B9D1: variants seen among roughly 807,000 people sequenced by gnomAD.
B9D1 encodes the protein B9 domain-containing protein 1.
A neutral mutation model predicts 26.1 loss-of-function variants in B9D1; 20 were observed. The observed-to-expected ratio is 0.77, with a 90% confidence interval of 0.54 to 1.12. The LOEUF (loss-of-function observed/expected upper bound fraction) is 1.12. Ranked by LOEUF, B9D1 falls within the 50% of genes most tolerant of loss-of-function variation. The pLI, the probability that B9D1 is intolerant of heterozygous loss-of-function variation, is 0.00. For synonymous variants in B9D1, 105 were observed against 103.1 expected (o/e 1.02, Z -0.11); for missense variants, 260 against 273.7 (o/e 0.95, Z 0.35).
chr17:19,335,528 T>C, downstream of B9D1: 2 of 1,507,354 alleles, frequency 1.3e-6, no homozygotes, highest in South Asian at 1.2e-5. Context: ...ATGGGGATAA[T>C]GTGGAAATGG....
At chr17:19,346,347 C>A (rs4924782) in intron 5 of B9D1, among the ~76,000 whole-genome samples, 146,092 of 152,326 alleles carry the variant, frequency 0.96, 70,465 homozygotes, top group Non-Finnish European at 0.99. Flanking sequence ...GTGAAGCATT[C>A]TCGGCCCTGG....
At chr17:19,346,473 GTTCCAC>G (rs1377983553) in intron 5 of B9D1, among the ~76,000 whole-genome samples, 2 of 152,228 alleles carry the variant, frequency 1.3e-5, no homozygotes, top group African/African-American at 4.8e-5. Context: ...AGTCCTCCAT[GTTCCAC>G]TTGTGCCTCA....
At chr17:19,360,258 G>A in intron 2 of B9D1, 62 bp downstream of exon 2, 2 of 1,472,522 alleles carry the variant, frequency 1.4e-6, no homozygotes, top group Admixed American at 3.3e-5. Context: ...GGAAGGATAT[G>A]ACACCTTCAG....
At chr17:19,350,536 C>T (rs1909463723) in intron 3 of B9D1, among the ~76,000 whole-genome samples, 2 of 151,974 alleles carry the variant, frequency 1.3e-5, no homozygotes, top group South Asian at 4.2e-4. Flanking sequence ...GAGCAAGACT[C>T]CATCTCAAAA....
chr17:19,358,670 A>G (rs931868704), intron 2 of B9D1, among the ~76,000 whole-genome samples: 1 of 151,996 alleles, frequency 6.6e-6, no homozygotes, highest in South Asian at 2.1e-4. Context: ...GCCCCTGCTC[A>G]GTGGCTCTTG....
chr17:19,348,043 T>C (rs1365352145), intron 3 of B9D1, among the ~76,000 whole-genome samples, 163 bp from the exon 4 acceptor site: 1 of 152,138 alleles, frequency 6.6e-6, no homozygotes, highest in African/African-American at 2.4e-5. Flanking sequence ...ACCCAGACTG[T>C]GCCAAAGACT....
chr17:19,362,548 C>CGCTAG lies in B9D1; in HGVS notation c.17_21dup (p.Val8LeufsTer153). ...TGCCCGTTGACCATGAGTAGAAAGA[C>CGCTAG]GCTAGGACTCGCGGTCGCCATGGCA... On this transcript the variant is annotated frameshift_variant, in exon 1 of 7. Coordinates refer to ENST00000261499, the MANE Select transcript of B9D1 (RefSeq NM_015681.6). LOFTEE classifies it high-confidence loss of function. The CGCTAG allele has an allele frequency of 6.3e-7, 1 of 1,588,650 alleles. No individual in the cohort carries two copies. Among genetic ancestry groups the CGCTAG allele is most frequent in the Non-Finnish European group, 8.6e-7 (1 of 1,167,580 alleles).
chr17:19,350,176 T>A (rs898281555), intron 3 of B9D1, among the ~76,000 whole-genome samples: 2 of 151,962 alleles, frequency 1.3e-5, no homozygotes, highest in Non-Finnish European at 2.9e-5. Context: ...TTTGGGAGGC[T>A]GAGGTGGCAG....
chr17:19,343,611 C>G (rs780929036), intron 6 of B9D1, 150 bp from the exon 7 acceptor site: 1 of 1,572,684 alleles, frequency 6.4e-7, no homozygotes, highest in Non-Finnish European at 8.6e-7. Context: ...AAGGGGCTGC[C>G]GGGACAGGCA....
upstream of B9D1, among the ~76,000 whole-genome samples, chr17:19,367,006 T>C (rs555684767): frequency 1.3e-5 from 2 of 152,148 alleles, no homozygotes. Context: ...AAGCCATGTC[T>C]AGGGCGGTCA....
At chr17:19,362,868 C>T, upstream of B9D1, 1 of 603,418 alleles carries the variant, frequency 1.7e-6, no homozygotes, top group South Asian at 1.8e-5. Context: ...AGCCCTACCG[C>T]TCGACTCAGT....
intron 3 of B9D1, among the ~76,000 whole-genome samples, chr17:19,350,591 C>T (rs1325171891): frequency 6.6e-6 from 1 of 151,876 alleles, no homozygotes; most frequent in South Asian, 2.1e-4. Flanking sequence ...CATGGTGGTG[C>T]ATGCCTGTAA....
rs756278915 is a variant in B9D1, at chr17:19,362,612, C to G, written c.-43G>C. ...CGGGGGGACCCACCTAGGCCGCGCGCGGTTGCTAAGAGACGCCGGCGTTGC... is the reference window on the plus strand; with the variant it reads ...CGGGGGGACCCACCTAGGCCGCGCGGGGTTGCTAAGAGACGCCGGCGTTGC... On this transcript the variant is annotated 5_prime_UTR_variant, in exon 1 of 7. Coordinates refer to ENST00000261499, the MANE Select transcript of B9D1 (RefSeq NM_015681.6). 1 of 1,574,296 alleles carries G rather than the reference C, an allele frequency of 6.4e-7. No homozygotes were observed. The highest frequency in any genetic ancestry group is 1.8e-5 in the Admixed American group (1 of 54,542).
Position 19,362,634 on chromosome 17 carries a change from T to C in B9D1, c.-65A>G. 1 of 1,559,672 alleles carries C rather than the reference T, an allele frequency of 6.4e-7. No homozygotes were observed. Among genetic ancestry groups the C allele is most frequent in the Middle Eastern group, 1.7e-4 (1 of 5,972 alleles). On this transcript the variant is annotated 5_prime_UTR_variant, in exon 1 of 7. Coordinates refer to ENST00000261499, the MANE Select transcript of B9D1 (RefSeq NM_015681.6). ...GCGCGGTTGCTAAGAGACGCCGGCG[T>C]TGCCCTAGAAACAGACGGCGTAGCG...
intron 3 of B9D1, among the ~76,000 whole-genome samples, chr17:19,355,945 A>C (rs1266761161): frequency 2.0e-5 from 3 of 152,142 alleles, no homozygotes; most frequent in East Asian, 1.9e-4. Flanking sequence ...GATTCTGTTT[A>C]TCTCTATTGC....
rs1362060821 is a variant in B9D1, at chr17:19,362,526, C to G, written c.44G>C (p.Gly15Ala). 1 of 1,580,960 alleles carries G rather than the reference C, an allele frequency of 6.3e-7. No individual in the cohort carries two copies. The stretch of plus-strand genomic sequence containing the variant: ...GCTCACCTGGGCGCTCTCCACCTGC[C>G]CGTTGACCATGAGTAGAAAGACGCT... Reference protein sequence around the residue: ...SPSVFLLMVNGQVESAQFPEY... With the variant: ...SPSVFLLMVNAQVESAQFPEY... Residue 15 changes from glycine (G) to alanine (A), a missense_variant, in exon 1 of 7, where the codon GGG becomes GCG. Transcript: ENST00000261499.
At chr17:19,375,493 C>T (rs35119622) in intron 1 of B9D1, among the ~76,000 whole-genome samples, 1 of 151,924 alleles carries the variant, frequency 6.6e-6, no homozygotes, top group African/African-American at 2.4e-5. Flanking sequence ...TACTGTGGCT[C>T]ATGCCTGTAA....
intron 1 of B9D1, 76 bp from the exon 2 acceptor site, chr17:19,360,464 A>G: frequency 7.4e-7 from 1 of 1,353,356 alleles, no homozygotes; most frequent in Non-Finnish European, 1.1e-6. Flanking sequence ...AGGTGCAGCC[A>G]AGGGGAATTC....
chr17:19,357,010 G>A (rs1472950125), intron 3 of B9D1, among the ~76,000 whole-genome samples: 3 of 152,202 alleles, frequency 2.0e-5, no homozygotes, highest in Admixed American at 1.3e-4. Flanking sequence ...CCTCCACACC[G>A]TGGTAAGCCT....
Sources: gnomAD v4.1 joint callset for allele counts (sites outside exome capture counted in the v4.1 genomes callset) on GRCh38, gnomAD v4.1.1 for gene constraint, MANE v1.5 for transcripts, NCBI Gene and HGNC (gene_info 2026-07-23, HGNC 2026-07-21) for gene names.